Variants in TMEM248 observed in about 807,000 individuals in gnomAD.
TMEM248 encodes the protein transmembrane protein 248, also known as UPF0458 protein C7orf42.
A neutral mutation model predicts 30.3 loss-of-function variants in TMEM248; 9 were observed. The ratio of observed to expected loss-of-function variants is 0.30; its 90% confidence interval spans 0.18 to 0.52. TMEM248 has a LOEUF of 0.52. Ranked by LOEUF, TMEM248 falls within the 20% of genes least tolerant of loss-of-function variation. TMEM248 has a pLI of 0.97. For missense variants in TMEM248, 338 were observed against 403.3 expected, an observed-to-expected ratio of 0.84 and a Z score of 1.39; for synonymous variants, 184 against 154.4, an observed-to-expected ratio of 1.19 and a Z score of -1.42.
At chr7:66,935,726 T>C (rs1204630768) in intron 1 of TMEM248, among the ~76,000 whole-genome samples, 4 of 151,994 alleles carry the variant, frequency 2.6e-5, no homozygotes, top group Non-Finnish European at 5.9e-5. Context: ...TTTTTTTTAG[T>C]AGAGATGGAG....
chr7:66,931,835 C>T lies in TMEM248; in HGVS notation c.-18-10013C>T, dbSNP rs192785016. ...TTTTTTTTTTTTTGAGGCAGAGTCT[C>T]GCTCTGTCACCCAGGCTGGAGTGCA... is the stretch of plus-strand genomic sequence containing the variant. On this transcript the variant is annotated intron_variant, in intron 1 of 6. Transcript: ENST00000341567. Among the ~76,000 whole-genome samples, 53 of 116,194 alleles carry T rather than the reference C, an allele frequency of 4.6e-4. No individual in the cohort carries two copies. The East Asian group carries it at 9.2e-3, about 20-fold the overall frequency. The allele number at this position is 116,194 out of a possible 152,430, so 76.2% of individuals were successfully genotyped here. A position where few individuals can be genotyped will look rare whatever the true frequency, so the allele number is the denominator to read the frequency against.
intron 1 of TMEM248, among the ~76,000 whole-genome samples, chr7:66,931,792 CTTTTTTTTTTTTTTT>C (rs1156882038): frequency 3.4e-5 from 3 of 88,436 alleles, no homozygotes; most frequent in East Asian, 3.8e-4. Context: ...GGCCTTCCTC[CTTTTTTTTTTTTTTT>C]TTTTTTTTTT....
At chr7:66,944,273 T>C (rs1420431490) in intron 2 of TMEM248, among the ~76,000 whole-genome samples, 1 of 151,306 alleles carries the variant, frequency 6.6e-6, no homozygotes, top group African/African-American at 2.4e-5. Context: ...CCCGGCTAAT[T>C]ATTGTATTTT....
chr7:66,938,352 G>A (rs1215085957), intron 1 of TMEM248, among the ~76,000 whole-genome samples: 3 of 151,804 alleles, frequency 2.0e-5, no homozygotes, highest in African/African-American at 7.3e-5. Context: ...TTCTTTATAG[G>A]ACAGTGAAAA....
rs1792439478 is a variant in TMEM248, at chr7:66,957,876, A to C, written c.*2354A>C. ...GCCAGGACACACACTTTAAAATCCA[A>C]CATTCACCTAAGCAAGTAATTCTTA... On this transcript the variant is annotated 3_prime_UTR_variant, in exon 7 of 7. Coordinates refer to ENST00000341567, the MANE Select transcript of TMEM248 (RefSeq NM_017994.5). The C allele has an allele frequency of 6.6e-6, 1 of 152,278 alleles. No individual in the cohort carries two copies. The highest frequency in any genetic ancestry group is 1.5e-5 in the Non-Finnish European group (1 of 68,062). The allele number at this position is 152,278 out of a possible 1,614,324, so 9.4% of individuals were successfully genotyped here. A position where few individuals can be genotyped will look rare whatever the true frequency, so the allele number is the denominator to read the frequency against.
At chr7:66,948,779 C>A in intron 4 of TMEM248, 85 bp downstream of exon 4, 1 of 1,432,938 alleles carries the variant, frequency 7.0e-7, no homozygotes, top group South Asian at 1.3e-5. Flanking sequence ...TGTAAATTCT[C>A]AGGATGGCTC....
intron 5 of TMEM248, among the ~76,000 whole-genome samples, chr7:66,952,462 G>A (rs1462318380): frequency 6.6e-6 from 1 of 152,232 alleles, no homozygotes; most frequent in African/African-American, 2.4e-5. Context: ...GAGGCCCTTA[G>A]TGCCTGGCCA....
intron 1 of TMEM248, among the ~76,000 whole-genome samples, chr7:66,931,705 T>C (rs577245248): frequency 2.7e-5 from 4 of 150,902 alleles, no homozygotes; most frequent in African/African-American, 7.3e-5. Flanking sequence ...TTCTAACTCC[T>C]GGCCTCAAGC....
At chr7:66,955,315 C>T (rs552477106) in intron 6 of TMEM248, among the ~76,000 whole-genome samples, 187 bp from the exon 7 acceptor site, 9 of 152,276 alleles carry the variant, frequency 5.9e-5, no homozygotes, top group African/African-American at 1.7e-4. Context: ...CCAGATGGGC[C>T]GCGTCTTGCA....
At chr7:66,926,869 C>T (rs1490921205) in intron 1 of TMEM248, among the ~76,000 whole-genome samples, 1 of 152,038 alleles carries the variant, frequency 6.6e-6, no homozygotes, top group Non-Finnish European at 1.5e-5. Context: ...TGAGTGTGAT[C>T]CTGGGGAGTA....
rs1791975633 is a variant in TMEM248 at position 66,942,021 on chromosome 7, A to G, written c.156A>G (p.Ala52=). The part of the protein sequence containing the change: ...KIKEIKSPEM[A]EDWNTFLLRF... ...AGGAGATTAAATCCCCAGAAATGGC[A>G]GAGGTATAGTATGCTCTGACTTCTC... The change falls in exon 2 of 7, where the codon GCA becomes GCG. Residue 52 remains alanine, a synonymous_variant. Transcript: ENST00000341567. 1.2e-5 allele frequency: 20 copies of G among 1,613,898 alleles called. No homozygotes were observed. Among genetic ancestry groups the G allele is most frequent in the Non-Finnish European group, 1.6e-5 (19 of 1,179,922 alleles).
At position 66,956,702 on chromosome 7, in the gene TMEM248, G is replaced by T. The variant is rs572623090; in HGVS notation, c.*1180G>T. 3.3e-5 allele frequency: 5 copies of T among 151,636 alleles called. No individual in the cohort carries two copies. Among genetic ancestry groups the T allele is most frequent in the Admixed American group, 1.3e-4 (2 of 15,228 alleles). 9.4% of individuals were successfully genotyped at this position (151,636 alleles called of 1,614,324 possible). On this transcript the variant is annotated 3_prime_UTR_variant, in exon 7 of 7. Transcript: ENST00000341567. ...TTTTTCTTTTTCTTTTTTTTTGGAG[G>T]GGGGAGGCAGGGTCTTGCTCTGTCC...
chr7:66,932,164 G>A (rs1046934266), intron 1 of TMEM248, among the ~76,000 whole-genome samples: 19 of 151,996 alleles, frequency 1.3e-4, no homozygotes, highest in African/African-American at 4.1e-4. Flanking sequence ...AAAAGTAATC[G>A]TGGTTTTTGC....
intron 1 of TMEM248, among the ~76,000 whole-genome samples, chr7:66,927,934 G>C (rs1443602974): frequency 6.6e-6 from 1 of 152,130 alleles, no homozygotes; most frequent in South Asian, 2.1e-4. Context: ...TGGAAAATAG[G>C]CTGAGCACGG....
In TMEM248 at chr7:66,956,701, G is replaced by C. The variant is rs4718429; in HGVS notation, c.*1179G>C. ...TTTTTTCTTTTTCTTTTTTTTTGGA[G>C]GGGGGAGGCAGGGTCTTGCTCTGTC... On this transcript the variant is annotated 3_prime_UTR_variant, in exon 7 of 7. Coordinates refer to ENST00000341567, the MANE Select transcript of TMEM248 (RefSeq NM_017994.5). 0.078 allele frequency: 11,779 copies of C among 151,570 alleles called. 616 individuals carry two copies. The highest frequency in any genetic ancestry group is 0.28 in the East Asian group (1,458 of 5,164). The allele number at this position is 151,570 out of a possible 1,614,324, so 9.4% of individuals were successfully genotyped here. A position where few individuals can be genotyped will look rare whatever the true frequency, so the allele number is the denominator to read the frequency against.
intron 4 of TMEM248, 79 bp downstream of exon 4, chr7:66,948,773 A>G: frequency 2.0e-6 from 3 of 1,479,956 alleles, no homozygotes; most frequent in Non-Finnish European, 1.8e-6. Flanking sequence ...TTCAGCTGTA[A>G]ATTCTCAGGA....
intron 1 of TMEM248, among the ~76,000 whole-genome samples, chr7:66,922,493 A>G (rs547144144): frequency 2.0e-5 from 3 of 152,218 alleles, no homozygotes; most frequent in South Asian, 4.2e-4. Context: ...TTAGGTGTGC[A>G]TTGACCCTAA....
chr7:66,928,881 G>A (rs1323844833), intron 1 of TMEM248, among the ~76,000 whole-genome samples: 1 of 152,002 alleles, frequency 6.6e-6, no homozygotes, highest in Non-Finnish European at 1.5e-5. Context: ...TCAAACTCCT[G>A]GGTTCCGGTG....
chr7:66,939,707 G>T (rs1239203136), intron 1 of TMEM248, among the ~76,000 whole-genome samples: 2 of 152,180 alleles, frequency 1.3e-5, no homozygotes. Context: ...AAACAAGTAG[G>T]AAAATAATTG....
Sources: allele counts gnomAD v4.1 joint callset (sites outside exome capture counted in the v4.1 genomes callset), GRCh38; gene constraint gnomAD v4.1.1; transcripts MANE v1.5; gene names NCBI Gene and HGNC (gene_info 2026-07-23, HGNC 2026-07-21).